SNX16: variants seen among roughly 807,000 people sequenced by gnomAD.
The protein encoded by SNX16 is sorting nexin 16.
Under a neutral mutation model 36.7 loss-of-function variants are expected in SNX16, and 35 were observed. The observed-to-expected ratio is 0.95, with a 90% CI of 0.73 to 1.27. The LOEUF (loss-of-function observed/expected upper bound fraction) is 1.27, where lower values mean the gene tolerates loss of function less well. Ranked by LOEUF, SNX16 falls within the 50% of genes most tolerant of loss-of-function variation. The pLI is 0.00. For missense variants in SNX16, 367 were observed against 393.6 expected (o/e 0.93, Z 0.57); for synonymous variants, 134 against 132.0 (o/e 1.02, Z -0.10).
intron 3 of SNX16, among the ~76,000 whole-genome samples, chr8:81,825,484 C>A (rs559535939): frequency 6.6e-6 from 1 of 152,222 alleles, no homozygotes; most frequent in South Asian, 2.1e-4. Context: ...GAGGCCTGGG[C>A]ATTGTAATTT....
At chr8:81,835,091 T>C (rs564823035) in intron 2 of SNX16, among the ~76,000 whole-genome samples, 3 of 152,362 alleles carry the variant, frequency 2.0e-5, no homozygotes, top group Non-Finnish European at 4.4e-5. Context: ...ACCTCAATTC[T>C]TGACTTCTGT....
chr8:81,814,749 A>T (rs1210229552), intron 5 of SNX16: 1 of 152,098 alleles, frequency 6.6e-6, no homozygotes, highest in Admixed American at 6.5e-5. Flanking sequence ...TACCAATTAA[A>T]TCTGTTCCAT....
rs1810033522 is a variant in SNX16 at position 81,807,757 on chromosome 8, C to T, written c.682-4529G>A. 1.6e-5 allele frequency: 11 copies of T among 677,284 alleles called. No homozygotes were observed. In the South Asian group the frequency reaches 1.8e-4, roughly 11 times the overall value. The allele number at this position is 677,284 out of a possible 1,614,324, so 42.0% of individuals were successfully genotyped here. A position where few individuals can be genotyped will look rare whatever the true frequency, so the allele number is the denominator to read the frequency against. On this transcript the variant is annotated intron_variant, in intron 5 of 7. Coordinates refer to ENST00000345957, the MANE Select transcript of SNX16 (RefSeq NM_152836.3). ...CCGAAGAAGCATTGTTAAAGTCTCT[C>T]TTCTCCCTGCTGTCATGTCTAAGTC...
At chr8:81,821,948 C>A (rs1810765365) in intron 4 of SNX16, among the ~76,000 whole-genome samples, 1 of 152,114 alleles carries the variant, frequency 6.6e-6, no homozygotes. Context: ...CCTTTCTCAA[C>A]TGAGATTCCA....
intron 4 of SNX16, among the ~76,000 whole-genome samples, chr8:81,823,457 A>C (rs1810868212): frequency 6.6e-6 from 1 of 152,092 alleles, no homozygotes; most frequent in Non-Finnish European, 1.5e-5. Flanking sequence ...TATCATATTA[A>C]CCAAAATTTT....
chr8:81,828,445 C>T (rs1436103931), intron 3 of SNX16, among the ~76,000 whole-genome samples: 3 of 152,078 alleles, frequency 2.0e-5, no homozygotes, highest in Admixed American at 6.5e-5. Flanking sequence ...TTATCCTGCT[C>T]ATACTGTTTG....
At position 81,839,715 on chromosome 8, in the gene SNX16, C is replaced by T. The variant is rs1230326442; in HGVS notation, c.272G>A (p.Arg91Lys). The T allele has an allele frequency of 6.2e-7, 1 of 1,613,978 alleles. No homozygotes were observed. Among genetic ancestry groups the T allele is most frequent in the Non-Finnish European group, 8.5e-7 (1 of 1,179,918 alleles). The change falls in exon 2 of 8, where the codon AGA (arginine) becomes AAA (lysine). Residue 91 changes from arginine (R) to lysine (K), a missense_variant. Transcript: ENST00000345957. ...ASSIEYSTRPRDTEEQNPETV... is the reference protein window; with the variant it reads ...ASSIEYSTRPKDTEEQNPETV... ...TTCCGGATTTTGTTCTTCAGTGTCT[C>T]TTGGTCTAGTAGAATACTCAATGGA...
At chr8:81,832,434 A>G (rs1811312401) in intron 2 of SNX16, among the ~76,000 whole-genome samples, 1 of 152,118 alleles carries the variant, frequency 6.6e-6, no homozygotes, top group South Asian at 2.1e-4. Flanking sequence ...TGAAGGGGGG[A>G]AGGAGTTGAA....
rs1809782573 is a variant in SNX16 at position 81,803,167 on chromosome 8, T to G, written c.743A>C (p.Gln248Pro). The change falls in exon 6 of 8, where the codon CAA becomes CCA. Residue 248 changes from glutamine to proline, a missense_variant. Transcript: ENST00000345957. Reference sequence around the variant, plus strand: ...TTTCTTTAGTGATTCCATCTCCTTTTGTTTTTCAAGTAGTTCTTTCTGTAA... The same window carrying G: ...TTTCTTTAGTGATTCCATCTCCTTTGGTTTTTCAAGTAGTTCTTTCTGTAA... The part of the protein sequence containing the change: ...YRLQKELLEK[Q>P]KEMESLKKLL... 6.2e-7 allele frequency: 1 copy of G among 1,612,362 alleles called. No individual in the cohort carries two copies. Among genetic ancestry groups the G allele is most frequent in the African/African-American group, 1.3e-5 (1 of 74,978 alleles).
chr8:81,832,140 A>G (rs1480449170), intron 2 of SNX16, among the ~76,000 whole-genome samples: 1 of 152,250 alleles, frequency 6.6e-6, no homozygotes, highest in East Asian at 1.9e-4. Flanking sequence ...ACTACTCACA[A>G]TGGCAAAGAC....
chr8:81,819,940 G>A (rs1325237539), intron 4 of SNX16, among the ~76,000 whole-genome samples: 1 of 152,016 alleles, frequency 6.6e-6, no homozygotes, highest in Non-Finnish European at 1.5e-5. Flanking sequence ...TAGCCAAGAG[G>A]AAGGTTAAGA....
At chr8:81,834,025 AGTGT>A (rs1466135501) in intron 2 of SNX16, among the ~76,000 whole-genome samples, 1 of 152,198 alleles carries the variant, frequency 6.6e-6, no homozygotes, top group Non-Finnish European at 1.5e-5. Context: ...AAGTACTATG[AGTGT>A]ATTAGTCCAT....
chr8:81,816,538 C>T lies in SNX16; in HGVS notation c.612-1144G>A, dbSNP rs533534173. On this transcript the variant is annotated intron_variant, in intron 4 of 7. Coordinates refer to ENST00000345957, the MANE Select transcript of SNX16 (RefSeq NM_152836.3). Reference sequence around the variant, plus strand: ...TACAAAAAGGGGATGTCAACTTATGCTAAAAGGGAATGGGGCTTTTGGTTT... The same window carrying T: ...TACAAAAAGGGGATGTCAACTTATGTTAAAAGGGAATGGGGCTTTTGGTTT... Among the ~76,000 whole-genome samples, 3 of 152,012 alleles carry T rather than the reference C, an allele frequency of 2.0e-5. No individual in the cohort carries two copies. The East Asian group carries it at 5.8e-4, about 29-fold the overall frequency.
intron 2 of SNX16, among the ~76,000 whole-genome samples, chr8:81,839,070 C>G (rs1423788797): frequency 6.6e-6 from 1 of 152,002 alleles, no homozygotes; most frequent in Non-Finnish European, 1.5e-5. Flanking sequence ...ATGAGAACAG[C>G]TGAAATGATA....
At chr8:81,821,480 T>G (rs2130695405) in intron 4 of SNX16, among the ~76,000 whole-genome samples, 1 of 152,180 alleles carries the variant, frequency 6.6e-6, no homozygotes, top group Admixed American at 6.6e-5. Flanking sequence ...TTGGTGGTAG[T>G]ACAAGTCCTC....
chr8:81,829,404 T>C (rs755859175), intron 3 of SNX16, 26 bp downstream of exon 3: 34 of 1,047,630 alleles, frequency 3.2e-5, no homozygotes, highest in Non-Finnish European at 4.5e-5. Flanking sequence ...ACTGAAATGT[T>C]AGTTTGGATT....
At chr8:81,836,481 T>C (rs923582269) in intron 2 of SNX16, among the ~76,000 whole-genome samples, 1 of 152,206 alleles carries the variant, frequency 6.6e-6, no homozygotes, top group African/African-American at 2.4e-5. Context: ...AAACAAATTT[T>C]GATCATCCCT....
chr8:81,807,649 G>T, intron 5 of SNX16: 1 of 446,298 alleles, frequency 2.2e-6, no homozygotes, highest in African/African-American at 2.0e-5. Context: ...AATGAGGTTG[G>T]GATCACTGGT....
At chr8:81,833,703 C>T (rs1413453083) in intron 2 of SNX16, among the ~76,000 whole-genome samples, 2 of 152,200 alleles carry the variant, frequency 1.3e-5, no homozygotes, top group Non-Finnish European at 2.9e-5. Context: ...AAGCTACTCT[C>T]CACTGTGGCC....
Sources: allele counts gnomAD v4.1 joint callset (sites outside exome capture counted in the v4.1 genomes callset), GRCh38; gene constraint gnomAD v4.1.1; transcripts MANE v1.5; gene names NCBI Gene and HGNC (gene_info 2026-07-23, HGNC 2026-07-21).